CPED1: variants seen among roughly 807,000 people sequenced by gnomAD.
CPED1 encodes the protein cadherin like and PC-esterase domain containing 1.
Under a neutral mutation model 128.2 loss-of-function variants are expected in CPED1, and 114 were observed. The ratio of observed to expected loss-of-function variants is 0.89; its 90% confidence interval spans 0.76 to 1.04. The LOEUF is 1.04. CPED1 is among the 50% of genes least tolerant of loss of function. The probability of loss-of-function intolerance (pLI) is 0.00; values close to 1 mark genes in which losing one functional copy is unlikely to be tolerated. For missense variants in CPED1, 1,211 were observed against 1,207.1 expected (o/e 1.00, Z -0.05); for synonymous variants, 462 against 426.7 (o/e 1.08, Z -1.02).
chr7:121,052,480 C>G (rs1161331347), intron 4 of CPED1, among the ~76,000 whole-genome samples: 1 of 152,090 alleles, frequency 6.6e-6, no homozygotes, highest in Non-Finnish European at 1.5e-5. Context: ...ATCTCTGTAG[C>G]CTTCACCATC....
At chr7:121,025,652 G>C (rs1454481060) in intron 3 of CPED1, among the ~76,000 whole-genome samples, 1 of 151,950 alleles carries the variant, frequency 6.6e-6, no homozygotes, top group Non-Finnish European at 1.5e-5. Context: ...GCCTTAACCT[G>C]CATCTCCCAT....
At chr7:121,259,749 G>C (rs1215092007) in intron 18 of CPED1, among the ~76,000 whole-genome samples, 2 of 151,950 alleles carry the variant, frequency 1.3e-5, no homozygotes, top group East Asian at 3.9e-4. Flanking sequence ...TTGTTTGTCA[G>C]TGGAAAACAG....
At chr7:121,061,343 C>G in intron 4 of CPED1, 1 of 279,064 alleles carries the variant, frequency 3.6e-6, no homozygotes, top group South Asian at 1.4e-4. Context: ...AGGATTTGTG[C>G]TAAATAAGAA....
Position 120,989,616 on chromosome 7 carries a change from C to T in CPED1, c.-6C>T. 1 of 1,613,678 alleles carries T rather than the reference C, an allele frequency of 6.2e-7. No individual in the cohort carries two copies. ...TGGACAGGGGCCAAGTGAAGCTGAA[C>T]TGGTCATGGTCTGTCGCCCAGTGTT... On this transcript the variant is annotated 5_prime_UTR_variant, in exon 2 of 23. Transcript: ENST00000310396.
chr7:121,175,218 T>C (rs999582830), intron 16 of CPED1, among the ~76,000 whole-genome samples: 1 of 152,072 alleles, frequency 6.6e-6, no homozygotes, highest in African/African-American at 2.4e-5. Flanking sequence ...TTCTTTCTCT[T>C]GCCTGATTGC....
Position 121,071,697 on chromosome 7 carries a change from C to A in CPED1, c.616+7384C>A, listed in dbSNP as rs532208306. Reference sequence around the variant, plus strand: ...TGCCTGGCTCATCCAACATATTTGACAAGAAACTTGTCACTTGGGTTAATT... The same window carrying A: ...TGCCTGGCTCATCCAACATATTTGAAAAGAAACTTGTCACTTGGGTTAATT... On this transcript the variant is annotated intron_variant, in intron 5 of 22. Transcript: ENST00000310396. Among the ~76,000 whole-genome samples, 167 of 152,130 alleles carry A rather than the reference C, an allele frequency of 1.1e-3. 4 individuals are homozygous for A. In the Middle Eastern group the frequency reaches 0.014, roughly 12 times the overall value.
intron 5 of CPED1, among the ~76,000 whole-genome samples, chr7:121,094,812 A>T (rs1001270013): frequency 2.6e-5 from 4 of 152,176 alleles, no homozygotes; most frequent in Non-Finnish European, 5.9e-5. Flanking sequence ...ATATTAAAAG[A>T]TATTGAAAAG....
chr7:121,284,172 T>C (rs1792516766), intron 22 of CPED1, among the ~76,000 whole-genome samples: 1 of 151,812 alleles, frequency 6.6e-6, no homozygotes, highest in African/African-American at 2.4e-5. Flanking sequence ...AAGTACAGAG[T>C]GAAGTGGGGG....
intron 2 of CPED1, among the ~76,000 whole-genome samples, chr7:120,992,436 G>A (rs574783193): frequency 1.0e-3 from 155 of 152,248 alleles, no homozygotes; most frequent in African/African-American, 3.6e-3. Context: ...ATACTGTAAT[G>A]TAGGTGTATG....
At chr7:121,025,304 A>AC (rs1195708201) in intron 3 of CPED1, among the ~76,000 whole-genome samples, 1 of 151,446 alleles carries the variant, frequency 6.6e-6, no homozygotes, top group African/African-American at 2.4e-5. Context: ...TTTCACCCCC[A>AC]CCTATCTCCT....
At chr7:121,212,223 C>CA (rs1797661727) in intron 16 of CPED1, among the ~76,000 whole-genome samples, 1 of 152,022 alleles carries the variant, frequency 6.6e-6, no homozygotes, top group Non-Finnish European at 1.5e-5. Context: ...TGCAACTAGA[C>CA]AAAACCCATC....
chr7:121,112,123 G>T (rs1416243476), intron 7 of CPED1, among the ~76,000 whole-genome samples: 1 of 152,074 alleles, frequency 6.6e-6, no homozygotes, highest in Non-Finnish European at 1.5e-5. Flanking sequence ...GGATTCTTAA[G>T]AATTGCAAGA....
chr7:121,054,838 T>C (rs1171396600), intron 4 of CPED1, among the ~76,000 whole-genome samples: 1 of 152,178 alleles, frequency 6.6e-6, no homozygotes, highest in African/African-American at 2.4e-5. Context: ...TCCCCTCCTG[T>C]GATCCCTACC....
rs768084020 is a variant in CPED1, at chr7:121,266,331, C to G, written c.2415C>G (p.Phe805Leu). Reference sequence around the variant, plus strand: ...GGCAGAAAGTACATGGCACTAAATTCTATCACAACGTCAATGGTGGGAAGA... The same window carrying G: ...GGCAGAAAGTACATGGCACTAAATTGTATCACAACGTCAATGGTGGGAAGA... ...QEWQKVHGTK[F>L]YHNVNGGKTL... Residue 805 changes from phenylalanine (F) to leucine (L), a missense_variant, in exon 19 of 23, where the codon TTC (phenylalanine) becomes TTG (leucine). Coordinates refer to ENST00000310396, the MANE Select transcript of CPED1 (RefSeq NM_024913.5). 3.1e-6 allele frequency: 5 copies of G among 1,613,160 alleles called. No individual in the cohort carries two copies. Among genetic ancestry groups the G allele is most frequent in the Non-Finnish European group, 4.2e-6 (5 of 1,179,398 alleles).
Position 121,244,283 on chromosome 7 carries a change from GCCAATATGGTGT to G in CPED1, c.2258_2269del (p.Gln753_Val756del). 1 of 1,614,138 alleles carries G rather than the reference GCCAATATGGTGT, an allele frequency of 6.2e-7. No individual in the cohort carries two copies. The highest frequency in any genetic ancestry group is 8.5e-7 in the Non-Finnish European group (1 of 1,179,990). On this transcript the variant is annotated inframe_deletion, in exon 18 of 23. Coordinates refer to ENST00000310396, the MANE Select transcript of CPED1 (RefSeq NM_024913.5). ...GAAATAACCTGGCAGCCCCACAACT[GCCAATATGGTGT>G]CCTAACTAAGCCTCAACTCCAGCAG...
chr7:121,151,747 C>T (rs1192513750), intron 16 of CPED1, among the ~76,000 whole-genome samples: 1 of 152,160 alleles, frequency 6.6e-6, no homozygotes, highest in African/African-American at 2.4e-5. Flanking sequence ...TTATATTGTT[C>T]TCATTAGTCA....
chr7:121,045,029 G>A (rs1012084620), intron 3 of CPED1, among the ~76,000 whole-genome samples: 2 of 152,108 alleles, frequency 1.3e-5, no homozygotes, highest in Admixed American at 6.5e-5. Context: ...CAGTCTTTGT[G>A]TTTTGCTTTG....
At chr7:121,184,512 A>G (rs1457119215) in intron 16 of CPED1, among the ~76,000 whole-genome samples, 1 of 152,162 alleles carries the variant, frequency 6.6e-6, no homozygotes, top group Non-Finnish European at 1.5e-5. Context: ...TTTAGAAGGA[A>G]CCCATTTTTC....
rs544943720 is a variant in CPED1 at position 121,078,086 on chromosome 7, G to A, written c.616+13773G>A. 9.9e-5 allele frequency among the ~76,000 whole-genome samples: 15 copies of A among 151,686 alleles called. No individual in the cohort carries two copies. In the East Asian group the frequency reaches 1.2e-3, roughly 12 times the overall value. ...GTTTTTGAGATGGAGTCTCACTCTC[G>A]CCAGGCTGGAGTACAGTGGCACGAT... On this transcript the variant is annotated intron_variant, in intron 5 of 22. Transcript: ENST00000310396.
Sources: allele counts gnomAD v4.1 joint callset (sites outside exome capture counted in the v4.1 genomes callset), GRCh38; gene constraint gnomAD v4.1.1; transcripts MANE v1.5; gene names NCBI Gene and HGNC (gene_info 2026-07-23, HGNC 2026-07-21).